Variants in TET3 observed in about 807,000 individuals in gnomAD.
TET3 encodes the protein tet methylcytosine dioxygenase 3, also known as methylcytosine dioxygenase TET3.
Under a neutral mutation model 141.4 loss-of-function variants are expected in TET3, and 19 were observed. The ratio of observed to expected loss-of-function variants is 0.13; its 90% CI spans 0.09 to 0.20. TET3 has a LOEUF of 0.20. TET3 is among the 10% of genes least tolerant of loss of function. The pLI is 1.00. For missense variants in TET3, 1,874 were observed against 2,356.9 expected (o/e 0.80, Z 4.24); for synonymous variants, 1,043 against 980.9 (o/e 1.06, Z -1.18).
chr2:74,086,907 C>T (rs1690194800), intron 6 of TET3, among the ~76,000 whole-genome samples: 1 of 151,816 alleles, frequency 6.6e-6, no homozygotes, highest in African/African-American at 2.4e-5. Flanking sequence ...AAGCATCAAC[C>T]TAGTCTATTT....
At chr2:74,011,955 GTTTGTTTGTTT>G (rs1047082157) in intron 3 of TET3, among the ~76,000 whole-genome samples, 7 of 151,822 alleles carry the variant, frequency 4.6e-5, no homozygotes, top group African/African-American at 1.7e-4. Context: ...TCATTTTTTT[GTTTGTTTGTTT>G]TTTGTTTTTT....
At chr2:74,058,265 C>T (rs1573810922) in intron 4 of TET3, among the ~76,000 whole-genome samples, 1 of 152,022 alleles carries the variant, frequency 6.6e-6, no homozygotes. Context: ...TGGCAGACAG[C>T]GAGGGAAGCA....
At position 74,046,418 on chromosome 2, in the gene TET3, G is replaced by C; in HGVS notation, c.501G>C (p.Leu167=). The C allele has an allele frequency of 6.3e-7, 1 of 1,586,720 alleles. No homozygotes were observed. Among genetic ancestry groups the C allele is most frequent in the South Asian group, 1.2e-5 (1 of 85,614 alleles). Residue 167 remains leucine, a synonymous_variant, in exon 4 of 12, where the codon CTG becomes CTC. Coordinates refer to ENST00000409262, the MANE Select transcript of TET3 (RefSeq NM_001287491.2). This position sits in a 1 kb window ranked among gnomAD's most constrained non-coding sequence, Gnocchi z 4.3. ...CTAGAGAGCCCGCTGGACCCAGTCTGCTGGGGACTGGGGGTCCTTGGCGGG... is the reference window on the plus strand; with the variant it reads ...CTAGAGAGCCCGCTGGACCCAGTCTCCTGGGGACTGGGGGTCCTTGGCGGG... The part of the protein sequence containing the change: ...NGAREPAGPS[L]LGTGGPWRVD...
intron 1 of TET3, among the ~76,000 whole-genome samples, chr2:73,985,759 C>T (rs1409842464): frequency 1.3e-5 from 2 of 152,026 alleles, no homozygotes; most frequent in African/African-American, 2.4e-5. Flanking sequence ...CCTTGATCAC[C>T]CCCTTGAATC....
chr2:74,061,661 CG>C (rs1422856464), intron 4 of TET3, among the ~76,000 whole-genome samples: 2 of 146,096 alleles, frequency 1.4e-5, no homozygotes, highest in Non-Finnish European at 3.0e-5. Context: ...ACTTCCCAGA[CG>C]GGGTGGCTGC....
intron 2 of TET3, among the ~76,000 whole-genome samples, chr2:74,000,951 C>T (rs979824069): frequency 2.0e-5 from 3 of 152,142 alleles, no homozygotes; most frequent in Admixed American, 6.5e-5. Flanking sequence ...TTTGTCTCTC[C>T]TATCCAGCAG....
intron 4 of TET3, among the ~76,000 whole-genome samples, chr2:74,069,242 A>G (rs970919116): frequency 2.0e-5 from 3 of 151,476 alleles, no homozygotes; most frequent in Non-Finnish European, 4.4e-5. Flanking sequence ...TTGTCCTAAC[A>G]CTACACATTG....
At chr2:74,067,649 A>G (rs1688981867) in intron 4 of TET3, among the ~76,000 whole-genome samples, 1 of 152,258 alleles carries the variant, frequency 6.6e-6, no homozygotes, top group Admixed American at 6.5e-5. Flanking sequence ...AGAAAGTTCA[A>G]TAGGGCTTCG....
rs998536708 is a variant in TET3 at position 74,093,477 on chromosome 2, G to A, written c.3130-52G>A. 25 of 1,508,164 alleles carry A rather than the reference G, an allele frequency of 1.7e-5. No homozygotes were observed. Among genetic ancestry groups the A allele is most frequent in the East Asian group, 4.8e-5 (2 of 41,828 alleles). The allele number at this position is 1,508,164 out of a possible 1,614,324, so 93.4% of individuals were successfully genotyped here. ...ACCTGGCCTCCCCAGGTGCAGAATC[G>A]GGGCCACTCACCTCAGGTCATGTGA... On this transcript the variant is annotated intron_variant, in intron 9 of 11. Coordinates refer to ENST00000409262, the MANE Select transcript of TET3 (RefSeq NM_001287491.2). The surrounding 1 kb of genome is among the most constrained non-coding windows in gnomAD (Gnocchi z 4.2).
At chr2:74,015,297 A>G (rs1373015640) in intron 3 of TET3, among the ~76,000 whole-genome samples, 1 of 152,264 alleles carries the variant, frequency 6.6e-6, no homozygotes, top group East Asian at 1.9e-4. Flanking sequence ...TCCAAAATGC[A>G]GAAAGTTTTG....
rs1573711690 is a variant in TET3 at position 74,021,938 on chromosome 2, A to G, written c.360+18772A>G. Among the ~76,000 whole-genome samples the G allele has an allele frequency of 2.6e-5, 4 of 152,246 alleles. No individual in the cohort carries two copies. The South Asian group carries it at 8.3e-4, about 32-fold the overall frequency. ...CAGATATGATCAAACTCTAGGAAATAGTTAAAACTTTTTTTTGCCATTGTC... is the reference window on the plus strand; with the variant it reads ...CAGATATGATCAAACTCTAGGAAATGGTTAAAACTTTTTTTTGCCATTGTC... On this transcript the variant is annotated intron_variant, in intron 3 of 11. Coordinates refer to ENST00000409262, the MANE Select transcript of TET3 (RefSeq NM_001287491.2).
At chr2:74,056,206 C>A (rs1688206038) in intron 4 of TET3, among the ~76,000 whole-genome samples, 1 of 152,178 alleles carries the variant, frequency 6.6e-6, no homozygotes, top group African/African-American at 2.4e-5. Flanking sequence ...TGGTTCCCCA[C>A]TGGAAAAATG....
chr2:74,096,595 C>A (rs1274639331), intron 10 of TET3, among the ~76,000 whole-genome samples: 1 of 149,810 alleles, frequency 6.7e-6, no homozygotes, highest in African/African-American at 2.5e-5. Context: ...AGTGAAACCC[C>A]GTTTCTTCTA....
the TET3 span, among the ~76,000 whole-genome samples, chr2:74,119,287 A>AG: frequency 2.0e-5 from 3 of 149,584 alleles, no homozygotes; most frequent in Non-Finnish European, 4.4e-5. Flanking sequence ...GGGGAGGCGG[A>AG]GGTTGCAGTG....
chr2:74,085,222 T>G (rs1039779043), intron 6 of TET3, among the ~76,000 whole-genome samples: 1 of 151,996 alleles, frequency 6.6e-6, no homozygotes, highest in Non-Finnish European at 1.5e-5. Flanking sequence ...TGGATTTCCG[T>G]TTTTTTCTTC....
intron 4 of TET3, among the ~76,000 whole-genome samples, chr2:74,055,499 C>T (rs1688168153): frequency 6.6e-6 from 1 of 152,170 alleles, no homozygotes; most frequent in African/African-American, 2.4e-5. Flanking sequence ...CTGCCCATGG[C>T]TGTGGCTTTG....
At chr2:74,068,163 C>A (rs1308130020) in intron 4 of TET3, among the ~76,000 whole-genome samples, 1 of 151,940 alleles carries the variant, frequency 6.6e-6, no homozygotes, top group African/African-American at 2.4e-5. Flanking sequence ...GCTGCACACT[C>A]CATGGCTGTT....
chr2:74,102,060 GAGA>G lies in TET3; in HGVS notation c.5278_5280del (p.Lys1760del), dbSNP rs564392898. 172 of 1,525,470 alleles carry G rather than the reference GAGA, an allele frequency of 1.1e-4. 1 individual carries two copies. The East Asian group carries it at 2.0e-3, about 18-fold the overall frequency. 94.5% of individuals were successfully genotyped at this position (1,525,470 alleles called of 1,614,324 possible). A position where few individuals can be genotyped will look rare whatever the true frequency, so the allele number is the denominator to read the frequency against. The stretch of plus-strand genomic sequence containing the variant: ...TGTGGTTGCTGAGCCCCAGCAGAAA[GAGA>G]AGAAGGGGGTCGTCCCCACCCGGCA... On this transcript the variant is annotated inframe_deletion, in exon 12 of 12. Transcript: ENST00000409262.
intron 7 of TET3, among the ~76,000 whole-genome samples, chr2:74,088,735 A>G (rs761636330): frequency 6.6e-6 from 1 of 152,182 alleles, no homozygotes; most frequent in African/African-American, 2.4e-5. Flanking sequence ...CCTCTTAGGT[A>G]TATAGTTTTG....
Sources: gnomAD v4.1 joint callset for allele counts (sites outside exome capture counted in the v4.1 genomes callset) on GRCh38, gnomAD v4.1.1 for gene constraint, Gnocchi (gnomAD v3.1) non-coding constraint, MANE v1.5 for transcripts, NCBI Gene and HGNC (gene_info 2026-07-23, HGNC 2026-07-21) for gene names.